The following DLGAP1 variants were observed in gnomAD, a reference collection of about 807,000 sequenced individuals.
DLGAP1 encodes the protein disks large-associated protein 1.
In DLGAP1, 11 loss-of-function variants were observed where a neutral mutation model predicts 90.8. The ratio of observed to expected loss-of-function variants is 0.12; its 90% confidence interval spans 0.08 to 0.20. The LOEUF (loss-of-function observed/expected upper bound fraction) is 0.20, where lower values mean the gene tolerates loss of function less well. Among genes scored for constraint, DLGAP1 ranks in the 10% least tolerant of loss-of-function variants. The pLI is 1.00. For missense variants in DLGAP1, 1,050 were observed against 1,333.8 expected (o/e 0.79, Z 3.31); for synonymous variants, 558 against 540.7 (o/e 1.03, Z -0.44).
chr18:3,926,417 TATATACACACACAC>T (rs763670535), intron 3 of DLGAP1, among the ~76,000 whole-genome samples: 3,345 of 121,556 alleles, frequency 0.028, 49 homozygotes, highest in Middle Eastern at 0.09. Flanking sequence ...TATATATATA[TATATACACACACAC>T]ACACACACAC....
At chr18:4,408,897 C>A (rs187206731) in intron 1 of DLGAP1, among the ~76,000 whole-genome samples, 1 of 151,666 alleles carries the variant, frequency 6.6e-6, no homozygotes, top group African/African-American at 2.4e-5. Context: ...TCTAGGAAAA[C>A]GCTCTAACCT....
intron 7 of DLGAP1, among the ~76,000 whole-genome samples, chr18:3,632,622 T>A: frequency 6.6e-6 from 1 of 152,164 alleles, no homozygotes; most frequent in Non-Finnish European, 1.5e-5. Flanking sequence ...TAATCCAACG[T>A]CTTAATCCTT....
chr18:3,809,162 C>T (rs1157885946), intron 5 of DLGAP1, among the ~76,000 whole-genome samples: 1 of 152,054 alleles, frequency 6.6e-6, no homozygotes, highest in African/African-American at 2.4e-5. Context: ...TCAGTCTGTT[C>T]TCAATGGGTA....
chr18:3,837,018 T>C (rs1253638808), intron 4 of DLGAP1, among the ~76,000 whole-genome samples: 1 of 152,234 alleles, frequency 6.6e-6, no homozygotes, highest in East Asian at 1.9e-4. Flanking sequence ...AATCAATTTC[T>C]AACACAAAGG....
intron 1 of DLGAP1, among the ~76,000 whole-genome samples, chr18:4,228,369 C>T (rs1445450106): frequency 6.6e-6 from 1 of 151,986 alleles, no homozygotes; most frequent in African/African-American, 2.4e-5. Context: ...GATACCAAAA[C>T]AAGACGAAGA....
chr18:3,635,763 C>T (rs750379883), intron 7 of DLGAP1, among the ~76,000 whole-genome samples: 1 of 151,522 alleles, frequency 6.6e-6, no homozygotes, highest in African/African-American at 2.4e-5. Flanking sequence ...CCTCATTCTT[C>T]CCCTCATAAC....
At chr18:4,219,027 G>GTTTTTTTTTTTTTTTTTTTT (rs34333673) in intron 1 of DLGAP1, among the ~76,000 whole-genome samples, 1 of 92,022 alleles carries the variant, frequency 1.1e-5, no homozygotes, top group Non-Finnish European at 2.1e-5. Flanking sequence ...TTCTATCTTT[G>GTTTTTTTTTTTTTTTTTTTT]TTTTTTTTTT....
intron 7 of DLGAP1, among the ~76,000 whole-genome samples, chr18:3,680,838 T>C (rs374896696): frequency 1.1e-4 from 16 of 148,452 alleles, no homozygotes; most frequent in African/African-American, 4.0e-4. Flanking sequence ...TCATGACTCA[T>C]GGTAGTGTTT....
intron 3 of DLGAP1, among the ~76,000 whole-genome samples, chr18:3,916,190 C>T (rs1271816823): frequency 6.6e-6 from 1 of 152,176 alleles, no homozygotes; most frequent in African/African-American, 2.4e-5. Flanking sequence ...AGCCCAAGGA[C>T]AGGGACGCTG....
At chr18:3,595,954 G>C (rs1568266579) in intron 7 of DLGAP1, among the ~76,000 whole-genome samples, 1 of 152,150 alleles carries the variant, frequency 6.6e-6, no homozygotes, top group Non-Finnish European at 1.5e-5. Flanking sequence ...TCCCAACCAG[G>C]TCTGCAGGTC....
chr18:3,831,467 T>C lies in DLGAP1; in HGVS notation c.958-17194A>G, dbSNP rs77850492. On this transcript the variant is annotated intron_variant, in intron 4 of 12. Coordinates refer to ENST00000315677, the MANE Select transcript of DLGAP1 (RefSeq NM_004746.4). ...TTGGGAGATGCTTTATACTGTATTG[T>C]TCTCTTAAAGAGTTTCCATCCATAT... 9.5e-3 allele frequency among the ~76,000 whole-genome samples: 1,452 copies of C among 152,336 alleles called. 58 individuals are homozygous for C. The highest frequency in any genetic ancestry group is 0.071 in the East Asian group (369 of 5,180).
At chr18:3,858,557 T>TATATAA (rs139351089) in intron 4 of DLGAP1, among the ~76,000 whole-genome samples, 9 of 151,246 alleles carry the variant, frequency 6.0e-5, no homozygotes, top group African/African-American at 1.2e-4. Context: ...TATATATATA[T>TATATAA]AAAACACCTG....
intron 1 of DLGAP1, among the ~76,000 whole-genome samples, chr18:4,169,695 T>C (rs959098763): frequency 1.3e-5 from 2 of 152,218 alleles, no homozygotes; most frequent in African/African-American, 2.4e-5. Flanking sequence ...TTAGTCAAAA[T>C]AAATACATCT....
At chr18:3,835,893 T>A (rs1332652626) in intron 4 of DLGAP1, among the ~76,000 whole-genome samples, 1 of 152,202 alleles carries the variant, frequency 6.6e-6, no homozygotes. Flanking sequence ...CATTCTTTTA[T>A]CAATTATTTA....
chr18:3,612,282 T>G (rs973087243), intron 7 of DLGAP1, among the ~76,000 whole-genome samples: 3 of 152,126 alleles, frequency 2.0e-5, no homozygotes, highest in Non-Finnish European at 2.9e-5. Context: ...AAACATCTGG[T>G]TTTTATTGTC....
chr18:4,318,080 G>A lies in DLGAP1; in HGVS notation c.-267+136926C>T, dbSNP rs576567871. On this transcript the variant is annotated intron_variant, in intron 1 of 12. Transcript: ENST00000315677. ...CCAGGCCTTCTCAGCCTCTCAAAGT[G>A]CTGGGACTACAGGCATGAGCCACCA... 5.6e-4 allele frequency among the ~76,000 whole-genome samples: 85 copies of A among 152,244 alleles called. 3 individuals carry two copies. The South Asian group carries it at 0.017, about 31-fold the overall frequency.
intron 3 of DLGAP1, among the ~76,000 whole-genome samples, chr18:3,956,719 C>T (rs945372694): frequency 6.6e-6 from 1 of 152,166 alleles, no homozygotes; most frequent in Non-Finnish European, 1.5e-5. Flanking sequence ...GATGCAATCT[C>T]AGCTCACTGC....
rs1217551890 is a variant in DLGAP1, at chr18:4,017,052, C to T, written c.-158-11851G>A. Reference sequence around the variant, plus strand: ...TGAATAAGAGGTGAGAATTTTCAGTCTTATTTACACCAAAGATCACGTTTG... The same window carrying T: ...TGAATAAGAGGTGAGAATTTTCAGTTTTATTTACACCAAAGATCACGTTTG... On this transcript the variant is annotated intron_variant, in intron 2 of 12. Transcript: ENST00000315677. Among the ~76,000 whole-genome samples, 3 of 152,156 alleles carry T rather than the reference C, an allele frequency of 2.0e-5. No homozygotes were observed. The East Asian group carries it at 5.8e-4, about 29-fold the overall frequency.
intron 7 of DLGAP1, among the ~76,000 whole-genome samples, chr18:3,706,825 C>T (rs2061447916): frequency 6.6e-6 from 1 of 152,004 alleles, no homozygotes; most frequent in Non-Finnish European, 1.5e-5. Context: ...GGAAAGCACA[C>T]AGCCCTAAAC....
Sources: allele counts gnomAD v4.1 joint callset (sites outside exome capture counted in the v4.1 genomes callset), GRCh38; gene constraint gnomAD v4.1.1; transcripts MANE v1.5; gene names NCBI Gene and HGNC (gene_info 2026-07-23, HGNC 2026-07-21).